The following SIPA1L3 variants were observed in gnomAD, a reference collection of about 807,000 sequenced individuals.
SIPA1L3 encodes signal-induced proliferation-associated 1-like protein 3.
SIPA1L3 carries 59 observed loss-of-function variants against 150.1 expected under a neutral mutation model. The ratio of observed to expected loss-of-function variants is 0.39; its 90% CI spans 0.32 to 0.49. The LOEUF is 0.49. Among genes scored for constraint, SIPA1L3 ranks in the 20% least tolerant of loss-of-function variants. The probability of loss-of-function intolerance (pLI) is 0.86; values close to 1 mark genes in which losing one functional copy is unlikely to be tolerated. For missense variants in SIPA1L3, 2,211 were observed against 2,489.5 expected (o/e 0.89, Z 2.38); for synonymous variants, 1,070 against 1,077.6 (o/e 0.99, Z 0.14).
At chr19:37,923,072 G>T (rs905555507) in intron 1 of SIPA1L3, among the ~76,000 whole-genome samples, 4 of 151,728 alleles carry the variant, frequency 2.6e-5, no homozygotes, top group African/African-American at 9.7e-5. Context: ...GGGAGGTGGA[G>T]CTTACAGTGA....
At chr19:38,064,472 A>C (rs1202230787) in intron 2 of SIPA1L3, among the ~76,000 whole-genome samples, 1 of 152,244 alleles carries the variant, frequency 6.6e-6, no homozygotes, top group African/African-American at 2.4e-5. Flanking sequence ...CGAGGCGGGC[A>C]GATCACCTGA....
chr19:38,146,349 C>T (rs1355147908), intron 12 of SIPA1L3, among the ~76,000 whole-genome samples: 1 of 152,180 alleles, frequency 6.6e-6, no homozygotes, highest in African/African-American at 2.4e-5. Context: ...TTTAACCACT[C>T]ACCCATCAAA....
chr19:38,181,558 G>T (rs2146022083), intron 15 of SIPA1L3, among the ~76,000 whole-genome samples: 2 of 151,794 alleles, frequency 1.3e-5, no homozygotes, highest in Middle Eastern at 6.8e-3. Context: ...CATAGAAAAA[G>T]GTTGACCGGG....
chr19:37,998,770 A>G (rs1967704812), intron 1 of SIPA1L3, among the ~76,000 whole-genome samples: 2 of 152,164 alleles, frequency 1.3e-5, no homozygotes, highest in South Asian at 4.1e-4. Context: ...TGGAAGACAG[A>G]GTGAGACCCT....
At chr19:38,004,707 T>G (rs1032241541) in intron 1 of SIPA1L3, among the ~76,000 whole-genome samples, 2 of 152,120 alleles carry the variant, frequency 1.3e-5, no homozygotes, top group East Asian at 3.8e-4. Flanking sequence ...CAATCACTAA[T>G]AAGAGGGGTG....
At chr19:38,062,263 T>G (rs1361019854) in intron 2 of SIPA1L3, among the ~76,000 whole-genome samples, 1 of 152,208 alleles carries the variant, frequency 6.6e-6, no homozygotes, top group Non-Finnish European at 1.5e-5. Context: ...AGGCATTTAT[T>G]AAGTGCCCCG....
rs1973240349 is a variant in SIPA1L3 at position 38,207,271 on chromosome 19, C to CCT, written c.*1033_*1034dup. 6.6e-6 allele frequency: 1 copy of CCT among 151,668 alleles called. No homozygotes were observed. The highest frequency in any genetic ancestry group is 1.5e-5 in the Non-Finnish European group (1 of 67,956). 9.4% of individuals were successfully genotyped at this position (151,668 alleles called of 1,614,324 possible). On this transcript the variant is annotated 3_prime_UTR_variant, in exon 22 of 22. Coordinates refer to ENST00000222345, the MANE Select transcript of SIPA1L3 (RefSeq NM_015073.3). ...TCTCCGAGCAGCGGCCACCAGACCC[C>CCT]CTCACCATGCTCCCCGGGGAGCACT...
At chr19:38,138,134 TA>T (rs59553756) in intron 10 of SIPA1L3, among the ~76,000 whole-genome samples, 165 of 144,994 alleles carry the variant, frequency 1.1e-3, no homozygotes, top group African/African-American at 2.6e-3. Context: ...CTGTCTCAAA[TA>T]AAAAAAAAAA....
At chr19:38,086,634 G>A (rs373361538) in intron 3 of SIPA1L3, among the ~76,000 whole-genome samples, 2 of 152,322 alleles carry the variant, frequency 1.3e-5, no homozygotes, top group South Asian at 4.1e-4. Flanking sequence ...AGTGAGCCAT[G>A]ATTGCACCAC....
intron 1 of SIPA1L3, among the ~76,000 whole-genome samples, chr19:37,956,649 A>G (rs529469711): frequency 1.3e-5 from 2 of 151,634 alleles, no homozygotes; most frequent in Non-Finnish European, 2.9e-5. Flanking sequence ...ATGCCCAGCT[A>G]ATTTTTGTAT....
At chr19:38,096,538 C>T (rs1469697768) in intron 4 of SIPA1L3, among the ~76,000 whole-genome samples, 4 of 151,912 alleles carry the variant, frequency 2.6e-5, no homozygotes, top group African/African-American at 9.7e-5. Context: ...TGTGAGCCAC[C>T]GCACCTGGCC....
In SIPA1L3 at chr19:38,066,925, A is replaced by G. The variant is rs182777862; in HGVS notation, c.-310-14331A>G. Among the ~76,000 whole-genome samples, 235 of 151,726 alleles carry G rather than the reference A, an allele frequency of 1.5e-3. 2 individuals are homozygous for G. In the East Asian group the frequency reaches 0.019, roughly 12 times the overall value. On this transcript the variant is annotated intron_variant, in intron 2 of 21. Transcript: ENST00000222345. Reference sequence around the variant, plus strand: ...CTCTTGACTTTCCCTAGTTGGGAAAAACTGTACTGATTTAACACCCTTAAA... The same window carrying G: ...CTCTTGACTTTCCCTAGTTGGGAAAGACTGTACTGATTTAACACCCTTAAA...
intron 13 of SIPA1L3, among the ~76,000 whole-genome samples, chr19:38,160,910 A>T (rs998872528): frequency 2.0e-5 from 3 of 152,252 alleles, no homozygotes; most frequent in African/African-American, 7.2e-5. Flanking sequence ...CACTTAGTGC[A>T]ATACTATTAG....
chr19:37,982,082 A>G (rs6508755), intron 1 of SIPA1L3, among the ~76,000 whole-genome samples: 45,124 of 152,148 alleles, frequency 0.3, 7,375 homozygotes, highest in Non-Finnish European at 0.37. Flanking sequence ...CCGGACTCCC[A>G]ACATAAAGTG....
At chr19:38,093,877 C>T (rs1001216247) in intron 4 of SIPA1L3, among the ~76,000 whole-genome samples, 1 of 152,224 alleles carries the variant, frequency 6.6e-6, no homozygotes, top group Non-Finnish European at 1.5e-5. Context: ...AGAGCCTGGA[C>T]AGGGTGAGCG....
At chr19:37,926,365 G>T (rs1167632379) in intron 1 of SIPA1L3, among the ~76,000 whole-genome samples, 1 of 152,168 alleles carries the variant, frequency 6.6e-6, no homozygotes, top group African/African-American at 2.4e-5. Context: ...ACCTCACCTG[G>T]CTTCTGATGT....
At chr19:37,958,251 T>C (rs1291733447) in intron 1 of SIPA1L3, among the ~76,000 whole-genome samples, 3 of 151,204 alleles carry the variant, frequency 2.0e-5, no homozygotes, top group African/African-American at 7.3e-5. Flanking sequence ...CCAGGCAACA[T>C]GGCAAAACCC....
intron 2 of SIPA1L3, among the ~76,000 whole-genome samples, chr19:38,069,527 T>G (rs1969669285): frequency 6.6e-6 from 1 of 152,164 alleles, no homozygotes; most frequent in South Asian, 2.1e-4. Flanking sequence ...CTCTCTCTGT[T>G]CCTTCTGTCC....
intron 1 of SIPA1L3, among the ~76,000 whole-genome samples, chr19:37,923,629 CTT>C (rs2145486681): frequency 1.3e-5 from 2 of 152,230 alleles, no homozygotes; most frequent in South Asian, 4.2e-4. Context: ...CCACTGTAGA[CTT>C]AACAGACACG....
Sources: gnomAD v4.1 joint callset for allele counts (sites outside exome capture counted in the v4.1 genomes callset) on GRCh38, gnomAD v4.1.1 for gene constraint, MANE v1.5 for transcripts, NCBI Gene and HGNC (gene_info 2026-07-23, HGNC 2026-07-21) for gene names.